Variants in RPS6KC1 observed in about 807,000 individuals in gnomAD.
RPS6KC1 encodes inactive ribosomal protein S6 kinase delta-1.
In RPS6KC1, 54 loss-of-function variants were observed where a neutral mutation model predicts 103.8. That is an observed-to-expected ratio of 0.52 (90% CI 0.42 to 0.65). RPS6KC1 has a LOEUF of 0.65. Ranked by LOEUF, RPS6KC1 falls within the 30% of genes least tolerant of loss-of-function variation. The probability of loss-of-function intolerance (pLI) is 0.00; values close to 1 mark genes in which losing one functional copy is unlikely to be tolerated. For missense variants in RPS6KC1, 1,151 were observed against 1,253.8 expected, an observed-to-expected ratio of 0.92 and a Z score of 1.24; for synonymous variants, 439 against 438.7, an observed-to-expected ratio of 1.00 and a Z score of -0.01.
At chr1:213,496,054 CAGTT>C in the RPS6KC1 span, among the ~76,000 whole-genome samples, 12 of 151,552 alleles carry the variant, frequency 7.9e-5, no homozygotes, top group East Asian at 1.9e-4. Context: ...TTGAATCTGA[CAGTT>C]AGGGAAATAC....
chr1:213,587,216 A>G, the RPS6KC1 span, among the ~76,000 whole-genome samples: 1 of 152,150 alleles, frequency 6.6e-6, no homozygotes. Context: ...TGTGTCCACT[A>G]TTTATTGAGT....
the RPS6KC1 span, among the ~76,000 whole-genome samples, chr1:213,310,804 T>C: frequency 3.3e-5 from 5 of 152,234 alleles, no homozygotes; most frequent in Admixed American, 2.6e-4. Context: ...ATGTAAGAAT[T>C]TGTCTTAAAA....
In RPS6KC1 at chr1:213,142,486, G is replaced by A. The variant is rs143498071; in HGVS notation, c.835+12597G>A. 2.0e-5 allele frequency among the ~76,000 whole-genome samples: 3 copies of A among 152,168 alleles called. No individual in the cohort carries two copies. In the East Asian group the frequency reaches 5.8e-4, roughly 29 times the overall value. ...CACTGGTTCTTTCTCATCTGTGTGG[G>A]CTGATCTTCCTTTAACTGTGGTGTA... On this transcript the variant is annotated intron_variant, in intron 6 of 14. Coordinates refer to ENST00000366960, the MANE Select transcript of RPS6KC1 (RefSeq NM_012424.6).
At chr1:213,221,011 A>G (rs1204824269) in intron 8 of RPS6KC1, among the ~76,000 whole-genome samples, 1 of 152,178 alleles carries the variant, frequency 6.6e-6, no homozygotes, top group Admixed American at 6.5e-5. Flanking sequence ...AAGTATGGGT[A>G]TGATAGTACC....
At chr1:213,214,972 T>G (rs925175236) in intron 8 of RPS6KC1, among the ~76,000 whole-genome samples, 1 of 152,172 alleles carries the variant, frequency 6.6e-6, no homozygotes, top group Non-Finnish European at 1.5e-5. Flanking sequence ...TCAGAGCGCC[T>G]GTCCTCCTCC....
At chr1:213,656,520 T>C in the RPS6KC1 span, among the ~76,000 whole-genome samples, 2 of 152,184 alleles carry the variant, frequency 1.3e-5, no homozygotes, top group Non-Finnish European at 2.9e-5. Context: ...CCCTTAATGA[T>C]AGAATCCAAT....
chr1:213,438,845 G>A, the RPS6KC1 span, among the ~76,000 whole-genome samples: 16 of 147,434 alleles, frequency 1.1e-4, no homozygotes, highest in African/African-American at 4.0e-4. Flanking sequence ...CCAGGCTGGA[G>A]TGCAGTGGTG....
chr1:213,169,626 A>G (rs562228626), intron 7 of RPS6KC1, among the ~76,000 whole-genome samples: 17 of 152,168 alleles, frequency 1.1e-4, no homozygotes, highest in South Asian at 2.1e-4. Flanking sequence ...GGGATTGACA[A>G]CCTTCCTCGT....
intron 8 of RPS6KC1, among the ~76,000 whole-genome samples, chr1:213,199,193 A>G (rs1223952068): frequency 1.3e-5 from 2 of 152,236 alleles, no homozygotes; most frequent in Non-Finnish European, 2.9e-5. Context: ...ACAACAAAAA[A>G]GGAAAACTTC....
At chr1:213,681,504 A>G in the RPS6KC1 span, among the ~76,000 whole-genome samples, 2 of 152,042 alleles carry the variant, frequency 1.3e-5, no homozygotes, top group Non-Finnish European at 2.9e-5. Context: ...TGTTAAATAT[A>G]TAGATGTTCT....
At chr1:213,812,825 G>A in the RPS6KC1 span, among the ~76,000 whole-genome samples, 1 of 152,142 alleles carries the variant, frequency 6.6e-6, no homozygotes, top group Non-Finnish European at 1.5e-5. Context: ...CACTGAATGT[G>A]GGGAGCTAAA....
chr1:213,143,022 TA>T (rs1190524442), intron 6 of RPS6KC1, among the ~76,000 whole-genome samples: 1 of 152,100 alleles, frequency 6.6e-6, no homozygotes, highest in Non-Finnish European at 1.5e-5. Flanking sequence ...TTAGCAAATT[TA>T]AAAGTAAATT....
chr1:213,175,858 G>T (rs1456171862), intron 7 of RPS6KC1, among the ~76,000 whole-genome samples: 2 of 152,068 alleles, frequency 1.3e-5, no homozygotes, highest in Non-Finnish European at 2.9e-5. Flanking sequence ...AATTTTTCTG[G>T]TTGAATTTGA....
chr1:213,061,497 T>G (rs1410982807), intron 1 of RPS6KC1, among the ~76,000 whole-genome samples: 1 of 151,822 alleles, frequency 6.6e-6, no homozygotes, highest in African/African-American at 2.4e-5. Flanking sequence ...AGAACTCAGG[T>G]GCAGGTGGTC....
chr1:213,486,738 A>G, the RPS6KC1 span, among the ~76,000 whole-genome samples: 1 of 152,230 alleles, frequency 6.6e-6, no homozygotes, highest in Non-Finnish European at 1.5e-5. Flanking sequence ...TAAACAATGT[A>G]TTGAGCTGCT....
chr1:213,166,120 G>A (rs1439494276), intron 6 of RPS6KC1, among the ~76,000 whole-genome samples: 3 of 151,664 alleles, frequency 2.0e-5, no homozygotes, highest in East Asian at 1.9e-4. Flanking sequence ...AAATTATTTG[G>A]TGAGTTTTTT....
chr1:213,515,334 G>C, the RPS6KC1 span, among the ~76,000 whole-genome samples: 1 of 152,208 alleles, frequency 6.6e-6, no homozygotes, highest in Admixed American at 6.5e-5. Context: ...CATTGCCTAG[G>C]TTTTCTTCTA....
chr1:213,542,484 T>C, the RPS6KC1 span, among the ~76,000 whole-genome samples: 5 of 152,168 alleles, frequency 3.3e-5, no homozygotes, highest in Non-Finnish European at 7.3e-5. Context: ...GAAACTCCTA[T>C]CTCCAGCTTT....
rs2093947539 is a variant in RPS6KC1, at chr1:213,225,836, C to G, written c.1045-4661C>G. The stretch of plus-strand genomic sequence containing the variant: ...GAAGTTCTTTCCTTTGGTTATACAG[C>G]TTCCATGCCTTTTACCTAGTGAGAT... On this transcript the variant is annotated intron_variant, in intron 8 of 14. Transcript: ENST00000366960. Among the ~76,000 whole-genome samples the G allele has an allele frequency of 2.6e-5, 4 of 152,140 alleles. No individual in the cohort carries two copies. In the South Asian group the frequency reaches 8.3e-4, roughly 31 times the overall value.
Sources: gnomAD v4.1 joint callset for allele counts (sites outside exome capture counted in the v4.1 genomes callset) on GRCh38, gnomAD v4.1.1 for gene constraint, MANE v1.5 for transcripts, NCBI Gene and HGNC (gene_info 2026-07-23, HGNC 2026-07-21) for gene names.